The following DYNC2I2 variants were observed in gnomAD, a reference collection of about 807,000 sequenced individuals.
DYNC2I2 encodes the protein cytoplasmic dynein 2 intermediate chain 2.
DYNC2I2 carries 39 observed loss-of-function variants against 52.0 expected under a neutral mutation model. That is an observed-to-expected ratio of 0.75 (90% CI 0.58 to 0.98). The LOEUF (loss-of-function observed/expected upper bound fraction) is 0.98. Among genes scored for constraint, DYNC2I2 ranks in the 50% least tolerant of loss-of-function variants. The pLI is 0.00. For synonymous variants in DYNC2I2, 359 were observed against 321.1 expected, an observed-to-expected ratio of 1.12 and a Z score of -1.26; for missense variants, 743 against 728.4, an observed-to-expected ratio of 1.02 and a Z score of -0.23.
upstream of DYNC2I2, among the ~76,000 whole-genome samples, chr9:128,659,450 G>A (rs1430098607): frequency 1.8e-4 from 27 of 147,732 alleles, no homozygotes; most frequent in South Asian, 1.5e-3. Context: ...AGCAGAGATC[G>A]CACCACTGCA....
chr9:128,657,877 C>T (rs1860862339), upstream of DYNC2I2, among the ~76,000 whole-genome samples: 1 of 152,084 alleles, frequency 6.6e-6, no homozygotes, highest in Non-Finnish European at 1.5e-5. Context: ...ATCACTTGAG[C>T]CCAGGAGTTT....
At chr9:128,662,900 G>T in the DYNC2I2 span, among the ~76,000 whole-genome samples, 2 of 151,768 alleles carry the variant, frequency 1.3e-5, no homozygotes, top group African/African-American at 4.8e-5. Flanking sequence ...TGCCTCACAG[G>T]TTCAAGCATT....
At chr9:128,661,464 A>G (rs530163122), upstream of DYNC2I2, among the ~76,000 whole-genome samples, 5 of 151,668 alleles carry the variant, frequency 3.3e-5, no homozygotes. Flanking sequence ...ACAAAAATAC[A>G]AAAATTATAC....
chr9:128,637,218 G>A (rs542785317), intron 2 of DYNC2I2, among the ~76,000 whole-genome samples, 191 bp from the exon 3 acceptor site: 10 of 152,330 alleles, frequency 6.6e-5, no homozygotes, highest in African/African-American at 2.4e-4. Flanking sequence ...AGCCCAGAAG[G>A]CATGGCCTGA....
At chr9:128,636,255 G>A (rs1265542230) in intron 4 of DYNC2I2, 26 bp downstream of exon 4, 14 of 1,554,830 alleles carry the variant, frequency 9.0e-6, no homozygotes, top group Non-Finnish European at 1.2e-5. Flanking sequence ...TGAGAGGAGA[G>A]GAGGCGGACA....
intron 7 of DYNC2I2, 136 bp from the exon 8 acceptor site, chr9:128,634,519 CT>C: frequency 7.4e-7 from 1 of 1,343,020 alleles, no homozygotes; most frequent in South Asian, 1.5e-5. Context: ...AGTTGGTCCT[CT>C]CATTAGAGAA....
chr9:128,633,768 G>GCAGTC lies in DYNC2I2; in HGVS notation c.1582_1586dup (p.Cys529TrpfsTer?), dbSNP rs1564336026. 7 of 1,613,400 alleles carry GCAGTC rather than the reference G, an allele frequency of 4.3e-6. No individual in the cohort carries two copies. The highest frequency in any genetic ancestry group is 5.9e-6 in the Non-Finnish European group (7 of 1,180,032). ...CTCAGGCCGCCACCTCTGCTGCCAGGCAGTCCAGGTCCTCAGCTTCCCGGG... is the reference window on the plus strand; with the variant it reads ...CTCAGGCCGCCACCTCTGCTGCCAGGCAGTCCAGTCCAGGTCCTCAGCTTCCCGGG... On this transcript the variant is annotated frameshift_variant, in exon 9 of 9. Coordinates refer to ENST00000372715, the MANE Select transcript of DYNC2I2 (RefSeq NM_052844.4). LOFTEE classifies it high-confidence loss of function.
At position 128,642,682 on chromosome 9, in the gene DYNC2I2, G is replaced by A. The variant is rs183315675; in HGVS notation, c.187-1743C>T. Among the ~76,000 whole-genome samples the A allele has an allele frequency of 2.3e-3, 344 of 152,048 alleles. 3 individuals carry two copies. Among genetic ancestry groups the A allele is most frequent in the African/African-American group, 7.9e-3 (327 of 41,462 alleles). Reference sequence around the variant, plus strand: ...GCTACTCGGGAAGGCGTGAACCTGGGAGGCAGAGCTTACAGTGAGCCGAGA... The same window carrying A: ...GCTACTCGGGAAGGCGTGAACCTGGAAGGCAGAGCTTACAGTGAGCCGAGA... On this transcript the variant is annotated intron_variant, in intron 1 of 8. Coordinates refer to ENST00000372715, the MANE Select transcript of DYNC2I2 (RefSeq NM_052844.4).
At chr9:128,662,236 G>GA in the DYNC2I2 span, among the ~76,000 whole-genome samples, 1,301 of 143,718 alleles carry the variant, frequency 9.1e-3, 12 homozygotes, top group African/African-American at 0.03. Context: ...CCGTCTTGGG[G>GA]AAAAAAAAAA....
chr9:128,676,418 A>C, the DYNC2I2 span, among the ~76,000 whole-genome samples: 1 of 152,162 alleles, frequency 6.6e-6, no homozygotes, highest in Non-Finnish European at 1.5e-5. Flanking sequence ...TGAACCCAGG[A>C]GGTGGAGGTT....
chr9:128,635,614 G>A (rs1274068230), intron 5 of DYNC2I2, 44 bp downstream of exon 5: 1 of 1,535,092 alleles, frequency 6.5e-7, no homozygotes, highest in African/African-American at 1.4e-5. Flanking sequence ...CCTCTCCCCA[G>A]CTCTGCCTCA....
At chr9:128,635,577 G>T (rs985791008) in intron 5 of DYNC2I2, 81 bp downstream of exon 5, 1 of 1,310,476 alleles carries the variant, frequency 7.6e-7, no homozygotes, top group Non-Finnish European at 1.1e-6. Flanking sequence ...GCCAACGCCC[G>T]GGTGACCTTC....
chr9:128,634,442 G>GC (rs1012093510), intron 7 of DYNC2I2, 59 bp from the exon 8 acceptor site: 200 of 1,517,284 alleles, frequency 1.3e-4, no homozygotes, highest in Middle Eastern at 2.0e-4. Flanking sequence ...GGTGGTGCTG[G>GC]CCCCCAACAC....
At chr9:128,673,259 T>C in the DYNC2I2 span, among the ~76,000 whole-genome samples, 1 of 152,160 alleles carries the variant, frequency 6.6e-6, no homozygotes, top group African/African-American at 2.4e-5. Flanking sequence ...ATACTGTCAA[T>C]AATAAAATGT....
chr9:128,677,407 C>T, the DYNC2I2 span, among the ~76,000 whole-genome samples: 2 of 152,152 alleles, frequency 1.3e-5, no homozygotes, highest in Admixed American at 1.3e-4. Context: ...ATTGCTTGAA[C>T]CCAGGAGGCA....
intron 1 of DYNC2I2, among the ~76,000 whole-genome samples, chr9:128,654,152 G>A (rs1173471404): frequency 6.6e-6 from 1 of 152,186 alleles, no homozygotes; most frequent in Admixed American, 6.6e-5. Flanking sequence ...GGCTTTCCCT[G>A]AGAACCGTTC....
At chr9:128,655,354 A>C (rs1860797640) in intron 1 of DYNC2I2, among the ~76,000 whole-genome samples, 4 of 137,512 alleles carry the variant, frequency 2.9e-5, no homozygotes, top group Non-Finnish European at 6.3e-5. Context: ...AAAAAAAAAA[A>C]AAAAAAATTA....
the DYNC2I2 span, among the ~76,000 whole-genome samples, chr9:128,669,629 A>T: frequency 6.6e-6 from 1 of 152,136 alleles, no homozygotes; most frequent in Admixed American, 6.6e-5. Context: ...CCTAGGAGGC[A>T]TAGGTTGCGG....
chr9:128,639,907 C>T (rs1264005311), intron 2 of DYNC2I2, among the ~76,000 whole-genome samples: 1 of 152,178 alleles, frequency 6.6e-6, no homozygotes, highest in Non-Finnish European at 1.5e-5. Flanking sequence ...CTCAGGTGAT[C>T]CACCCACCTT....
Sources: allele counts gnomAD v4.1 joint callset (sites outside exome capture counted in the v4.1 genomes callset), GRCh38; gene constraint gnomAD v4.1.1; transcripts MANE v1.5; gene names NCBI Gene and HGNC (gene_info 2026-07-23, HGNC 2026-07-21).